Variants in SULT1C3 observed in about 807,000 individuals in gnomAD.
SULT1C3 encodes the protein sulfotransferase 1C3.
A neutral mutation model predicts 28.4 loss-of-function variants in SULT1C3; 31 were observed. The observed-to-expected ratio is 1.09, with a 90% CI of 0.82 to 1.47. The LOEUF is 1.47. SULT1C3 is among the 40% of genes most tolerant of loss of function. The pLI is 0.00. For missense variants in SULT1C3, 307 were observed against 272.5 expected (o/e 1.13, Z -0.89); for synonymous variants, 106 against 92.2 (o/e 1.15, Z -0.86).
chr2:108,246,010 G>T (rs1675569250), intron 1 of SULT1C3, among the ~76,000 whole-genome samples: 1 of 152,136 alleles, frequency 6.6e-6, no homozygotes, highest in Non-Finnish European at 1.5e-5. Context: ...AAGTTCCATA[G>T]ATTTTTAGGG....
chr2:108,248,205 C>T (rs1573216609), intron 2 of SULT1C3, among the ~76,000 whole-genome samples: 1 of 152,222 alleles, frequency 6.6e-6, no homozygotes, highest in East Asian at 1.9e-4. Flanking sequence ...ACAGTAGCCA[C>T]ATTTGGGACA....
At chr2:108,253,936 A>T (rs1181352683) in intron 4 of SULT1C3, among the ~76,000 whole-genome samples, 1 of 151,862 alleles carries the variant, frequency 6.6e-6, no homozygotes, top group East Asian at 1.9e-4. Flanking sequence ...CACAAAGTCC[A>T]GTTCATTCTT....
Position 108,259,009 on chromosome 2 carries a change from AAACTTGGTCAGGTGATGT to A in SULT1C3, c.666_683del (p.Lys222_Val228delinsAsn). 1 of 326,490 alleles carries A rather than the reference AAACTTGGTCAGGTGATGT, an allele frequency of 3.1e-6. No homozygotes were observed. The highest frequency in any genetic ancestry group is 3.2e-5 in the East Asian group (1 of 31,660). 20.2% of individuals were successfully genotyped at this position (326,490 alleles called of 1,614,324 possible). On this transcript the variant is annotated inframe_deletion, in exon 7 of 8. Coordinates refer to ENST00000681802, the MANE Select transcript of SULT1C3 (RefSeq NM_001320878.2). ...CACAAGGTGTTGGAATTCTTGGAGA[AAACTTGGTCAGGTGATGT>A]TATAAACAAGATTGTCCACCATACC...
At chr2:108,248,988 T>C (rs188986720) in intron 2 of SULT1C3, among the ~76,000 whole-genome samples, 1 of 152,238 alleles carries the variant, frequency 6.6e-6, no homozygotes, top group Non-Finnish European at 1.5e-5. Flanking sequence ...GATTATAGAT[T>C]TAATGATGAA....
chr2:108,252,253 A>T, intron 2 of SULT1C3, 112 bp from the exon 3 acceptor site: 3 of 1,029,064 alleles, frequency 2.9e-6, no homozygotes, highest in Non-Finnish European at 4.2e-6. Flanking sequence ...CCTTGGCAAC[A>T]TTGATCTAAT....
chr2:108,254,679 T>C (rs974749824), intron 4 of SULT1C3, among the ~76,000 whole-genome samples: 12 of 150,626 alleles, frequency 8.0e-5, no homozygotes, highest in African/African-American at 3.0e-4. Flanking sequence ...GTCCTAACCA[T>C]GTGAGATATG....
chr2:108,260,443 G>A (rs567068098), intron 7 of SULT1C3, 125 bp from the exon 8 acceptor site: 9 of 334,740 alleles, frequency 2.7e-5, no homozygotes, highest in East Asian at 7.5e-5. Context: ...AAGACCAGAG[G>A]GAGTGGGACT....
At chr2:108,255,458 T>A in intron 4 of SULT1C3, 114 bp from the exon 5 acceptor site, 1 of 1,232,462 alleles carries the variant, frequency 8.1e-7, no homozygotes, top group Non-Finnish European at 1.1e-6. Context: ...AACTAATGTA[T>A]CTAATGCTAT....
In SULT1C3 at chr2:108,247,294, G is replaced by A. The variant is rs1282177041; in HGVS notation, c.100G>A (p.Glu34Lys). 2 of 1,600,182 alleles carry A rather than the reference G, an allele frequency of 1.2e-6. No homozygotes were observed. ...AGTCCCTACGTTGATATTATCAAAA[G>A]AATGGTGGGAAAAAGTATGTAATTT... ...DGVPTLILSK[E>K]WWEKVCNFQA... is the part of the protein sequence containing the mutation. The change falls in exon 2 of 8, where the codon GAA (glutamate) becomes AAA (lysine). Residue 34 changes from glutamate to lysine, a missense_variant. Physicochemically the swap from Glu to Lys is moderately conservative, Grantham distance 56 (BLOSUM62 1). Transcript: ENST00000681802.
chr2:108,265,006 G>A (rs1573230279), downstream of SULT1C3: 1 of 1,605,844 alleles, frequency 6.2e-7, no homozygotes, highest in East Asian at 2.2e-5. Context: ...ATGAGGAAAG[G>A]TAGATAAGCT....
At chr2:108,255,117 G>A (rs1675836127) in intron 4 of SULT1C3, among the ~76,000 whole-genome samples, 1 of 151,984 alleles carries the variant, frequency 6.6e-6, no homozygotes, top group African/African-American at 2.4e-5. Context: ...GCACAAAAAT[G>A]TTTTCTCACT....
chr2:108,260,539 C>G lies in SULT1C3; in HGVS notation c.803-29C>G, dbSNP rs558202157. 1.0e-5 allele frequency: 5 copies of G among 502,328 alleles called. No homozygotes were observed. In the East Asian group the frequency reaches 2.8e-4, roughly 28 times the overall value. The allele number at this position is 502,328 out of a possible 1,614,324, so 31.1% of individuals were successfully genotyped here. ...AGGTTAGGTGGAATGGGTGCAGAGT[C>G]TGTCATGAACTTCTTTGATGTCCTA... On this transcript the variant is annotated intron_variant, in intron 7 of 7. Coordinates refer to ENST00000681802, the MANE Select transcript of SULT1C3 (RefSeq NM_001320878.2).
At chr2:108,260,490 G>T in intron 7 of SULT1C3, 78 bp from the exon 8 acceptor site, 1 of 408,686 alleles carries the variant, frequency 2.4e-6, no homozygotes, top group South Asian at 1.8e-5. Flanking sequence ...ACGTGGGTAG[G>T]CCTAGGAACC....
At chr2:108,251,090 G>T (rs1286686289) in intron 2 of SULT1C3, among the ~76,000 whole-genome samples, 2 of 151,832 alleles carry the variant, frequency 1.3e-5, no homozygotes, top group Non-Finnish European at 2.9e-5. Context: ...AATACAAAAA[G>T]AAAAACTTAT....
intron 1 of SULT1C3, 61 bp from the exon 2 acceptor site, chr2:108,247,127 C>A (rs567582913): frequency 1.5e-6 from 2 of 1,293,176 alleles, no homozygotes; most frequent in Admixed American, 2.9e-5. Context: ...ATAACCCATA[C>A]TATGAACCAT....
intron 1 of SULT1C3, among the ~76,000 whole-genome samples, chr2:108,245,958 A>C (rs1425709545): frequency 6.6e-6 from 1 of 152,190 alleles, no homozygotes; most frequent in Non-Finnish European, 1.5e-5. Flanking sequence ...ATGCTCAGAA[A>C]TTTATTCCAC....
intron 2 of SULT1C3, 31 bp from the exon 3 acceptor site, chr2:108,252,333 TA>T (rs766768499): frequency 4.4e-6 from 7 of 1,575,892 alleles, no homozygotes; most frequent in Non-Finnish European, 6.0e-6. Flanking sequence ...TTCAATTGAC[TA>T]AAATTAAAGA....
At position 108,255,617 on chromosome 2, in the gene SULT1C3, T is replaced by C; in HGVS notation, c.445T>C (p.Tyr149His). Reference protein sequence around the residue: ...RNPKDCLVSYYHFHRMASFMP... With the variant: ...RNPKDCLVSYHHFHRMASFMP... ...TCCCAAGGATTGCCTGGTGTCCTAC[T>C]ACCACTTTCACAGGATGGCTTCCTT... is the stretch of plus-strand genomic sequence containing the variant. Residue 149 changes from tyrosine (Y) to histidine (H), a missense_variant, in exon 5 of 8, where the codon TAC becomes CAC. Transcript: ENST00000681802. 1 of 1,612,032 alleles carries C rather than the reference T, an allele frequency of 6.2e-7. No individual in the cohort carries two copies. Among genetic ancestry groups the C allele is most frequent in the East Asian group, 2.2e-5 (1 of 44,792 alleles).
intron 1 of SULT1C3, among the ~76,000 whole-genome samples, chr2:108,245,552 A>G (rs765360441): frequency 3.3e-5 from 5 of 152,164 alleles, no homozygotes; most frequent in African/African-American, 4.8e-5. Context: ...TTTCTGGCCA[A>G]TGGGACAATC....
Sources: gnomAD v4.1 joint callset for allele counts (sites outside exome capture counted in the v4.1 genomes callset) on GRCh38, gnomAD v4.1.1 for gene constraint, MANE v1.5 for transcripts, NCBI Gene and HGNC (gene_info 2026-07-23, HGNC 2026-07-21) for gene names.